The following MAP2K5 variants were observed in gnomAD, a reference collection of about 807,000 sequenced individuals.
MAP2K5 encodes the protein dual specificity mitogen-activated protein kinase kinase 5.
Under a neutral mutation model 83.1 loss-of-function variants are expected in MAP2K5, and 49 were observed. That is an observed-to-expected ratio of 0.59 (90% confidence interval 0.47 to 0.75). The LOEUF (loss-of-function observed/expected upper bound fraction) is 0.75, where lower values mean the gene tolerates loss of function less well. Among genes scored for constraint, MAP2K5 ranks in the 30% least tolerant of loss-of-function variants. The pLI, the probability that MAP2K5 is intolerant of heterozygous loss-of-function variation, is 0.00. For missense variants in MAP2K5, 457 were observed against 557.5 expected (o/e 0.82, Z 1.82); for synonymous variants, 202 against 191.8 (o/e 1.05, Z -0.44).
At chr15:67,589,783 ATGTGTGTGTGTG>A (rs10584480) in intron 6 of MAP2K5, among the ~76,000 whole-genome samples, 1 of 150,132 alleles carries the variant, frequency 6.7e-6, no homozygotes, top group South Asian at 2.1e-4. Flanking sequence ...GTGTGTGTGT[ATGTGTGTGTGTG>A]TGTGTGTGTG....
intron 3 of MAP2K5, among the ~76,000 whole-genome samples, chr15:67,569,024 A>AC (rs1567278894): frequency 6.6e-5 from 10 of 151,694 alleles, no homozygotes; most frequent in African/African-American, 2.4e-4. Context: ...AAAAAACAAA[A>AC]AAAAAAAACA....
At chr15:67,583,397 C>T (rs1329555311) in intron 4 of MAP2K5, among the ~76,000 whole-genome samples, 2 of 151,980 alleles carry the variant, frequency 1.3e-5, no homozygotes, top group Non-Finnish European at 2.9e-5. Flanking sequence ...CACTAGGCTG[C>T]AATAAATTGT....
At chr15:67,714,444 A>C (rs900399406) in intron 16 of MAP2K5, among the ~76,000 whole-genome samples, 9 of 135,226 alleles carry the variant, frequency 6.7e-5, no homozygotes, top group Non-Finnish European at 9.4e-5. Context: ...AAAAAAAAAA[A>C]AAAAAAAAAA....
chr15:67,790,028 T>G lies in MAP2K5; in HGVS notation c.1243-16618T>G, dbSNP rs1416932879. 6.6e-6 allele frequency among the ~76,000 whole-genome samples: 1 copy of G among 152,150 alleles called. No individual in the cohort carries two copies. Among genetic ancestry groups the G allele is most frequent in the Admixed American group, 6.5e-5 (1 of 15,286 alleles). Reference sequence around the variant, plus strand: ...ATGACCTTGTCAAGCAACATTGAGGTTGAATAGCCAATAGCTGGGGGTAAA... The same window carrying G: ...ATGACCTTGTCAAGCAACATTGAGGGTGAATAGCCAATAGCTGGGGGTAAA... On this transcript the variant is annotated intron_variant, in intron 21 of 21. Coordinates refer to ENST00000178640, the MANE Select transcript of MAP2K5 (RefSeq NM_145160.3). The surrounding 1 kb of genome is among the most constrained non-coding windows in gnomAD (Gnocchi z 4.6).
At chr15:67,705,216 A>G (rs536653545) in intron 16 of MAP2K5, among the ~76,000 whole-genome samples, 1 of 152,330 alleles carries the variant, frequency 6.6e-6, no homozygotes, top group South Asian at 2.1e-4. Flanking sequence ...GCACATATAA[A>G]TGTTCACTAT....
intron 4 of MAP2K5, 21 bp from the exon 5 acceptor site, chr15:67,585,869 T>C (rs757038308): frequency 1.2e-6 from 2 of 1,611,762 alleles, no homozygotes; most frequent in South Asian, 1.1e-5. Flanking sequence ...TGTTCTACAA[T>C]TTAGTCAATT....
chr15:67,616,941 G>A (rs12902812), intron 8 of MAP2K5, among the ~76,000 whole-genome samples: 34,620 of 152,062 alleles, frequency 0.23, 4,940 homozygotes, highest in East Asian at 0.5. Flanking sequence ...TTTGAAGTAC[G>A]TTATGTGAGA....
intron 8 of MAP2K5, among the ~76,000 whole-genome samples, chr15:67,617,627 G>A (rs2086083060): frequency 6.6e-6 from 1 of 152,126 alleles, no homozygotes; most frequent in Non-Finnish European, 1.5e-5. Flanking sequence ...TGTGAACACA[G>A]GTTGTTTCTC....
intron 9 of MAP2K5, among the ~76,000 whole-genome samples, chr15:67,631,735 T>G (rs1274086819): frequency 6.6e-6 from 1 of 152,226 alleles, no homozygotes. Context: ...ACTTTGGATT[T>G]AATCTCTGCC....
At position 67,677,220 on chromosome 15, in the gene MAP2K5, A is replaced by G. The variant is rs2087703785; in HGVS notation, c.847+12575A>G. On this transcript the variant is annotated intron_variant, in intron 13 of 21. Transcript: ENST00000178640. The surrounding 1 kb of genome is among the most constrained non-coding windows in gnomAD (Gnocchi z 4.2). Reference sequence around the variant, plus strand: ...TTCCAATAAGATTTAGCTCATAAATATAATGCAGTTTGTTAAGGCTTAAGA... The same window carrying G: ...TTCCAATAAGATTTAGCTCATAAATGTAATGCAGTTTGTTAAGGCTTAAGA... Among the ~76,000 whole-genome samples the G allele has an allele frequency of 2.0e-5, 3 of 152,222 alleles. No individual in the cohort carries two copies. The South Asian group carries it at 6.2e-4, about 31-fold the overall frequency.
intron 4 of MAP2K5, among the ~76,000 whole-genome samples, chr15:67,582,130 C>T (rs2085192305): frequency 6.9e-6 from 1 of 144,126 alleles, no homozygotes; most frequent in Admixed American, 7.1e-5. Flanking sequence ...GGTGCAATCT[C>T]AGCTCACCGC....
chr15:67,549,644 A>AT (rs374262486), intron 1 of MAP2K5, among the ~76,000 whole-genome samples: 46 of 152,254 alleles, frequency 3.0e-4, no homozygotes, highest in Middle Eastern at 6.8e-3. Context: ...AGGTTAGGTG[A>AT]TTTTTTTCCC....
intron 7 of MAP2K5, among the ~76,000 whole-genome samples, chr15:67,598,852 A>C (rs1233785879): frequency 6.6e-6 from 1 of 152,190 alleles, no homozygotes; most frequent in Non-Finnish European, 1.5e-5. Context: ...TACTTGAGTG[A>C]GTGAAATGTC....
At position 67,637,619 on chromosome 15, in the gene MAP2K5, G is replaced by A. The variant is rs183559438; in HGVS notation, c.585+6692G>A. Among the ~76,000 whole-genome samples, 40 of 152,220 alleles carry A rather than the reference G, an allele frequency of 2.6e-4. 1 individual carries two copies. Among genetic ancestry groups the A allele is most frequent in the Admixed American group, 2.1e-3 (32 of 15,290 alleles). ...CTATGTACAGATCATTCATTACTCA[G>A]CTGAAGACTCCAGGACCCCCTCGGC... On this transcript the variant is annotated intron_variant, in intron 9 of 21. Coordinates refer to ENST00000178640, the MANE Select transcript of MAP2K5 (RefSeq NM_145160.3). This position sits in a 1 kb window ranked among gnomAD's most constrained non-coding sequence, Gnocchi z 4.5.
At chr15:67,650,572 A>G (rs926870315) in intron 11 of MAP2K5, among the ~76,000 whole-genome samples, 2 of 148,528 alleles carry the variant, frequency 1.3e-5, no homozygotes, top group Non-Finnish European at 3.0e-5. Flanking sequence ...CCTGTTTTAT[A>G]TCTATTGAAA....
At chr15:67,682,514 C>G (rs73425906) in intron 13 of MAP2K5, among the ~76,000 whole-genome samples, 1 of 150,368 alleles carries the variant, frequency 6.7e-6, no homozygotes, top group Non-Finnish European at 1.5e-5. Flanking sequence ...TGAGCCACTG[C>G]GCCTGGCCCC....
chr15:67,612,173 T>C (rs4776370), intron 8 of MAP2K5, among the ~76,000 whole-genome samples: 37,845 of 151,522 alleles, frequency 0.25, 5,334 homozygotes, highest in East Asian at 0.5. Flanking sequence ...TGCTGGTCTT[T>C]ATAAGGAAGT....
chr15:67,785,509 A>G lies in MAP2K5; in HGVS notation c.1242+12757A>G, dbSNP rs985719569. ...ACACTAATCCAGCAAACACAAATCC[A>G]TCATACATGCAAACAAAGTAGTCAG... On this transcript the variant is annotated intron_variant, in intron 21 of 21. Transcript: ENST00000178640. This position sits in a 1 kb window ranked among gnomAD's most constrained non-coding sequence, Gnocchi z 4.4. 5.9e-5 allele frequency among the ~76,000 whole-genome samples: 9 copies of G among 152,232 alleles called. No homozygotes were observed. The highest frequency in any genetic ancestry group is 1.9e-4 in the African/African-American group (8 of 41,466).
chr15:67,772,190 A>G (rs935716466), intron 20 of MAP2K5, among the ~76,000 whole-genome samples: 7 of 152,238 alleles, frequency 4.6e-5, no homozygotes, highest in African/African-American at 1.7e-4. Context: ...ATTTTGTAGC[A>G]TTATCTAGAT....
Sources: gnomAD v4.1 joint callset for allele counts (sites outside exome capture counted in the v4.1 genomes callset) on GRCh38, gnomAD v4.1.1 for gene constraint, Gnocchi (gnomAD v3.1) non-coding constraint, MANE v1.5 for transcripts, NCBI Gene and HGNC (gene_info 2026-07-23, HGNC 2026-07-21) for gene names.